The following ACAD10 variants were observed in gnomAD, a reference collection of about 807,000 sequenced individuals.
ACAD10 encodes ACAD-10.
ACAD10 carries 112 observed loss-of-function variants against 116.8 expected under a neutral mutation model. That is an observed-to-expected ratio of 0.96 (90% CI 0.82 to 1.12). The LOEUF (loss-of-function observed/expected upper bound fraction) is 1.12, where lower values mean the gene tolerates loss of function less well. Among genes scored for constraint, ACAD10 ranks in the 50% most tolerant of loss-of-function variants. The pLI is 0.00. For missense variants in ACAD10, 1,259 were observed against 1,350.2 expected, an observed-to-expected ratio of 0.93 and a Z score of 1.06; for synonymous variants, 486 against 510.6, an observed-to-expected ratio of 0.95 and a Z score of 0.65.
At chr12:111,692,651 G>A in intron 1 of ACAD10, 46 bp from the exon 2 acceptor site, 1 of 1,565,516 alleles carries the variant, frequency 6.4e-7, no homozygotes, top group Non-Finnish European at 8.7e-7. Context: ...GGCCTGGTTG[G>A]GAGGCAGTGC....
At position 111,715,704 on chromosome 12, in the gene ACAD10, G is replaced by A; in HGVS notation, c.851-117G>A. The A allele has an allele frequency of 3.5e-6, 5 of 1,418,560 alleles. No individual in the cohort carries two copies. The South Asian group carries it at 6.5e-5, about 18-fold the overall frequency. The allele number at this position is 1,418,560 out of a possible 1,614,324, so 87.9% of individuals were successfully genotyped here. On this transcript the variant is annotated intron_variant, in intron 6 of 20. Transcript: ENST00000313698. ...AGAGAAGAGGTACTTTTCTTGCACT[G>A]CATGGCAGATGAGGATATTTTGAAG...
intron 10 of ACAD10, among the ~76,000 whole-genome samples, chr12:111,730,316 G>C (rs1374996740): frequency 1.3e-5 from 2 of 152,162 alleles, no homozygotes; most frequent in African/African-American, 4.8e-5. Context: ...CTGTTTGAAA[G>C]TAAGGCAGAG....
intron 1 of ACAD10, among the ~76,000 whole-genome samples, chr12:111,686,700 G>C (rs1315569338): frequency 6.8e-6 from 1 of 147,698 alleles, no homozygotes; most frequent in Non-Finnish European, 1.5e-5. Context: ...TGGGCAACAA[G>C]AGCGAAACTC....
chr12:111,694,465 G>A (rs1888139560), intron 2 of ACAD10, among the ~76,000 whole-genome samples: 1 of 151,942 alleles, frequency 6.6e-6, no homozygotes, highest in Admixed American at 6.6e-5. Flanking sequence ...TTGCACCACT[G>A]CACCCCAGAC....
intron 8 of ACAD10, among the ~76,000 whole-genome samples, chr12:111,723,187 G>T (rs1320318396): frequency 8.7e-5 from 12 of 138,596 alleles, no homozygotes; most frequent in Non-Finnish European, 1.3e-4. Context: ...CTGGCCGGGT[G>T]GGGGGCTGAC....
rs373192095 is a variant in ACAD10, at chr12:111,728,021, C to T, written c.1121C>T (p.Pro374Leu). Residue 374 changes from proline (P) to leucine (L), a missense_variant, in exon 9 of 21, where the codon CCT becomes CTT. Physicochemically the swap from Pro to Leu is moderately conservative, Grantham distance 98 (BLOSUM62 -3). Transcript: ENST00000313698. ...EYCPGLIYKD[P>L]SLPGLEPSHR... is the part of the protein sequence containing the mutation. ...TGCCCAGGTCTCATCTACAAAGACC[C>T]TTCCCTGCCAGGCTTGGAGCCCAGC... 3.1e-6 allele frequency: 5 copies of T among 1,613,978 alleles called. No individual in the cohort carries two copies. In the African/African-American group the frequency reaches 6.7e-5, roughly 22 times the overall value.
intron 3 of ACAD10, among the ~76,000 whole-genome samples, chr12:111,704,362 G>C (rs965040329): frequency 6.6e-6 from 1 of 151,982 alleles, no homozygotes; most frequent in Non-Finnish European, 1.5e-5. Flanking sequence ...GGATGGTCTC[G>C]ATCTCTTGAC....
At chr12:111,722,640 G>C (rs1278442476) in intron 8 of ACAD10, among the ~76,000 whole-genome samples, 6 of 151,928 alleles carry the variant, frequency 3.9e-5, no homozygotes, top group South Asian at 4.1e-4. Context: ...ATCTTGCACC[G>C]CCCTTAATCC....
At position 111,756,365 on chromosome 12, in the gene ACAD10, C is replaced by T. The variant is rs781504952; in HGVS notation, c.3072C>T (p.Tyr1024=). ...GAGCAGCAGGCCTGAGCAGCGACTACCCACTGGCTCAGTTCTTCACCTGGG... is the reference window on the plus strand; with the variant it reads ...GAGCAGCAGGCCTGAGCAGCGACTATCCACTGGCTCAGTTCTTCACCTGGG... ...AFGAAGLSSD[Y]PLAQFFTWAR... The change falls in exon 21 of 21, where the codon TAC becomes TAT. Residue 1024 remains tyrosine, a synonymous_variant. Coordinates refer to ENST00000313698, the MANE Select transcript of ACAD10 (RefSeq NM_025247.6). The T allele has an allele frequency of 6.2e-7, 1 of 1,610,872 alleles. No homozygotes were observed. Among genetic ancestry groups the T allele is most frequent in the Non-Finnish European group, 8.5e-7 (1 of 1,179,342 alleles).
chr12:111,745,202 A>G, intron 13 of ACAD10, 159 bp downstream of exon 13: 1 of 820,484 alleles, frequency 1.2e-6, no homozygotes, highest in South Asian at 1.9e-5. Context: ...GCTCTTCATG[A>G]CTCAGTTTCC....
At chr12:111,719,175 G>A (rs111546728) in intron 7 of ACAD10, among the ~76,000 whole-genome samples, 11 of 152,244 alleles carry the variant, frequency 7.2e-5, no homozygotes, top group African/African-American at 2.6e-4. Flanking sequence ...AAATATTTGG[G>A]GGTTTTTTTC....
At chr12:111,689,053 T>C (rs1463968829) in intron 1 of ACAD10, among the ~76,000 whole-genome samples, 2 of 151,790 alleles carry the variant, frequency 1.3e-5, no homozygotes, top group Non-Finnish European at 2.9e-5. Context: ...TAGCCAGGCG[T>C]GGTGGCACGC....
intron 2 of ACAD10, among the ~76,000 whole-genome samples, chr12:111,699,704 A>G (rs1336265880): frequency 6.6e-6 from 1 of 152,100 alleles, no homozygotes; most frequent in African/African-American, 2.4e-5. Flanking sequence ...AGACTGTTTG[A>G]GGCCAGGAGT....
chr12:111,753,675 G>A (rs1890131203), intron 18 of ACAD10, 97 bp from the exon 19 acceptor site: 1 of 1,546,152 alleles, frequency 6.5e-7, no homozygotes, highest in African/African-American at 1.4e-5. Flanking sequence ...GCCCTGTCCT[G>A]TCTGCTTCCA....
chr12:111,740,282 T>C (rs1334373192), intron 12 of ACAD10, among the ~76,000 whole-genome samples: 1 of 151,970 alleles, frequency 6.6e-6, no homozygotes, highest in Non-Finnish European at 1.5e-5. Flanking sequence ...GCCAACATGG[T>C]GAAACCCCGT....
chr12:111,747,131 T>A lies in ACAD10; in HGVS notation c.2339T>A (p.Leu780Gln). The change falls in exon 15 of 21, where the codon CTG (leucine) becomes CAG (glutamine). Residue 780 changes from leucine (L) to glutamine (Q), a missense_variant. Coordinates refer to ENST00000313698, the MANE Select transcript of ACAD10 (RefSeq NM_025247.6). ...ACCGAAGCGCAGAAGGCTCGCTGGC[T>A]GATTCCTCTGCTGGAGGGGAAAGCC... ...YGTEAQKARW[L>Q]IPLLEGKARS... 5 of 1,613,466 alleles carry A rather than the reference T, an allele frequency of 3.1e-6. No homozygotes were observed. Among genetic ancestry groups the A allele is most frequent in the Non-Finnish European group, 4.2e-6 (5 of 1,179,534 alleles).
At chr12:111,740,531 G>A (rs1239703047) in intron 12 of ACAD10, among the ~76,000 whole-genome samples, 2 of 147,076 alleles carry the variant, frequency 1.4e-5, no homozygotes, top group Non-Finnish European at 1.5e-5. Context: ...AGGCCGAGGC[G>A]GGGGGATCAC....
Position 111,722,877 on chromosome 12 carries a change from G to A in ACAD10, c.1061+1138G>A, listed in dbSNP as rs557122677. ...CCACAAAGCCGCCATTGTCATCCTG[G>A]CCCGTTCTCAATGAGCTGTTGGGCA... On this transcript the variant is annotated intron_variant, in intron 8 of 20. Coordinates refer to ENST00000313698, the MANE Select transcript of ACAD10 (RefSeq NM_025247.6). Among the ~76,000 whole-genome samples the A allele has an allele frequency of 4.0e-3, 607 of 152,178 alleles. 4 individuals are homozygous for A. Among genetic ancestry groups the A allele is most frequent in the Middle Eastern group, 0.024 (7 of 294 alleles).
intron 1 of ACAD10, among the ~76,000 whole-genome samples, chr12:111,691,354 A>G (rs543797408): frequency 2.6e-4 from 39 of 152,248 alleles, no homozygotes; most frequent in African/African-American, 8.9e-4. Context: ...AGTACAGGAC[A>G]TCTTAGGTGC....
Sources: allele counts gnomAD v4.1 joint callset (sites outside exome capture counted in the v4.1 genomes callset), GRCh38; gene constraint gnomAD v4.1.1; transcripts MANE v1.5; gene names NCBI Gene and HGNC (gene_info 2026-07-23, HGNC 2026-07-21).